The following RCBTB1 variants were observed in gnomAD, a reference collection of about 807,000 sequenced individuals.
RCBTB1 encodes the protein RCC1 and BTB domain-containing protein 1.
Under a neutral mutation model 62.4 loss-of-function variants are expected in RCBTB1, and 46 were observed. That is an observed-to-expected ratio of 0.74 (90% CI 0.58 to 0.94). The LOEUF is 0.94. RCBTB1 is among the 40% of genes least tolerant of loss of function. The probability of loss-of-function intolerance (pLI) is 0.00; values close to 1 mark genes in which losing one functional copy is unlikely to be tolerated. For missense variants in RCBTB1, 565 were observed against 654.9 expected (o/e 0.86, Z 1.50); for synonymous variants, 222 against 245.8 (o/e 0.90, Z 0.91).
chr13:49,558,535 T>C (rs944170186), intron 5 of RCBTB1, among the ~76,000 whole-genome samples: 1 of 151,174 alleles, frequency 6.6e-6, no homozygotes, highest in South Asian at 2.1e-4. Flanking sequence ...CTACTAAAAA[T>C]ACAAAAAAAT....
chr13:49,548,745 G>A (rs1006952484), intron 9 of RCBTB1, among the ~76,000 whole-genome samples: 17 of 151,802 alleles, frequency 1.1e-4, no homozygotes, highest in African/African-American at 3.4e-4. Flanking sequence ...CTCCAGAGTC[G>A]GCAAATCCAT....
chr13:49,562,968 A>G (rs1962569905), intron 4 of RCBTB1, among the ~76,000 whole-genome samples: 1 of 151,760 alleles, frequency 6.6e-6, no homozygotes, highest in Non-Finnish European at 1.5e-5. Flanking sequence ...AGAAATTTCC[A>G]GAAATGACCA....
intron 2 of RCBTB1, among the ~76,000 whole-genome samples, chr13:49,575,514 G>A (rs955758945): frequency 1.3e-5 from 2 of 151,278 alleles, no homozygotes; most frequent in East Asian, 1.9e-4. Flanking sequence ...CTAGGTGCCC[G>A]TTGACAGTAG....
intron 12 of RCBTB1, among the ~76,000 whole-genome samples, 160 bp downstream of exon 12, chr13:49,540,716 A>G (rs2139130147): frequency 6.6e-6 from 1 of 152,344 alleles, no homozygotes; most frequent in East Asian, 1.9e-4. Flanking sequence ...ATGAACAGGG[A>G]ATTAAGAAGC....
At chr13:49,543,072 G>A (rs1170197136) in intron 10 of RCBTB1, among the ~76,000 whole-genome samples, 8 of 152,136 alleles carry the variant, frequency 5.3e-5, no homozygotes, top group African/African-American at 4.8e-5. Context: ...AGACCGGCCT[G>A]GCCAACATGG....
intron 2 of RCBTB1, among the ~76,000 whole-genome samples, chr13:49,571,166 G>C (rs940908219): frequency 6.6e-6 from 1 of 152,126 alleles, no homozygotes; most frequent in African/African-American, 2.4e-5. Context: ...GACCAACATG[G>C]AGAAACCCTG....
chr13:49,549,107 G>C (rs1961089291), intron 9 of RCBTB1, among the ~76,000 whole-genome samples: 1 of 136,388 alleles, frequency 7.3e-6, no homozygotes, highest in South Asian at 2.5e-4. Context: ...ACTCCAGCCT[G>C]GGCGACAGAG....
chr13:49,542,052 TAA>T (rs1346122124), intron 10 of RCBTB1, among the ~76,000 whole-genome samples: 1 of 151,878 alleles, frequency 6.6e-6, no homozygotes, highest in Non-Finnish European at 1.5e-5. Context: ...CCGTCTCTAC[TAA>T]AAATACAAAA....
intron 2 of RCBTB1, among the ~76,000 whole-genome samples, chr13:49,574,584 AG>A (rs1224784501): frequency 9.9e-5 from 15 of 152,220 alleles, no homozygotes; most frequent in Non-Finnish European, 1.9e-4. Context: ...AGAATGTTTC[AG>A]GCAAAATCTG....
rs113012683 is a variant in RCBTB1, at chr13:49,580,493, TG to T, written c.-42+11del. The T allele has an allele frequency of 0.027, 4,158 of 152,222 alleles. 144 individuals carry two copies. The highest frequency in any genetic ancestry group is 0.16 in the East Asian group (806 of 5,166). 9.4% of individuals were successfully genotyped at this position (152,222 alleles called of 1,614,324 possible). A position where few individuals can be genotyped will look rare whatever the true frequency, so the allele number is the denominator to read the frequency against. ...GTCCCAGCTACTCAAGAGGCTGAGGTGGGAGGATCACCTGAGTCCAGGAGGT... is the reference window on the plus strand; with the variant it reads ...GTCCCAGCTACTCAAGAGGCTGAGGTGGAGGATCACCTGAGTCCAGGAGGT... On this transcript the variant is annotated intron_variant, in intron 2 of 12. Coordinates refer to ENST00000378302, the MANE Select transcript of RCBTB1 (RefSeq NM_018191.4).
At chr13:49,579,644 G>C (rs1488041216) in intron 2 of RCBTB1, among the ~76,000 whole-genome samples, 3 of 149,692 alleles carry the variant, frequency 2.0e-5, no homozygotes, top group Non-Finnish European at 4.4e-5. Flanking sequence ...AAAAAAGAAT[G>C]AAAGGGAAAG....
intron 9 of RCBTB1, chr13:49,546,539 A>C: frequency 6.3e-6 from 1 of 159,096 alleles, no homozygotes; most frequent in African/African-American, 2.4e-5. Flanking sequence ...GTAATATGTA[A>C]TGAAATAATT....
intron 6 of RCBTB1, among the ~76,000 whole-genome samples, chr13:49,553,475 C>T (rs965740542): frequency 2.6e-5 from 4 of 152,032 alleles, no homozygotes; most frequent in Non-Finnish European, 2.9e-5. Flanking sequence ...TAGAAGACTT[C>T]CCAGAACGTG....
intron 8 of RCBTB1, among the ~76,000 whole-genome samples, chr13:49,550,896 G>A (rs1961269828): frequency 6.6e-6 from 1 of 152,150 alleles, no homozygotes; most frequent in Middle Eastern, 3.2e-3. Flanking sequence ...GAGGCCAGGA[G>A]TTCAAGACCA....
chr13:49,534,166 C>T lies in RCBTB1; in HGVS notation c.1552G>A (p.Glu518Lys), dbSNP rs1451984357. The T allele has an allele frequency of 1.9e-6, 3 of 1,614,160 alleles. No individual in the cohort carries two copies. Among genetic ancestry groups the T allele is most frequent in the African/African-American group, 1.3e-5 (1 of 75,046 alleles). ...CATTTACTGGCTTTAGCAATGAATT[C>T]CTTTAGCAGAGGGCCATCCATTTGC... ...FWQMDGPLLK[E>K]FIAKASKCGA... The change falls in exon 13 of 13, where the codon GAA becomes AAA. Residue 518 changes from glutamate to lysine, a missense_variant. By Grantham distance (56) the Glu-to-Lys change is moderately conservative. Coordinates refer to ENST00000378302, the MANE Select transcript of RCBTB1 (RefSeq NM_018191.4).
chr13:49,580,244 T>C (rs954992569), intron 2 of RCBTB1, among the ~76,000 whole-genome samples: 13 of 152,124 alleles, frequency 8.5e-5, no homozygotes, highest in African/African-American at 3.1e-4. Flanking sequence ...AACAAACAGG[T>C]GTCACAAAAC....
chr13:49,545,283 C>A (rs111666657), intron 9 of RCBTB1, among the ~76,000 whole-genome samples: 2 of 152,058 alleles, frequency 1.3e-5, no homozygotes, highest in African/African-American at 4.8e-5. Flanking sequence ...GTCAGCATAC[C>A]CAACTCAAGG....
intron 5 of RCBTB1, among the ~76,000 whole-genome samples, chr13:49,557,927 A>G (rs192659329): frequency 1.3e-5 from 2 of 152,366 alleles, no homozygotes; most frequent in East Asian, 1.9e-4. Flanking sequence ...GGTCATTAAA[A>G]TCAGAGGATT....
intron 4 of RCBTB1, among the ~76,000 whole-genome samples, chr13:49,561,270 A>G (rs1962410654): frequency 6.6e-6 from 1 of 152,216 alleles, no homozygotes; most frequent in African/African-American, 2.4e-5. Context: ...AGCAGTCCCC[A>G]GGCAACCAGG....
Sources: gnomAD v4.1 joint callset for allele counts (sites outside exome capture counted in the v4.1 genomes callset) on GRCh38, gnomAD v4.1.1 for gene constraint, MANE v1.5 for transcripts, NCBI Gene and HGNC (gene_info 2026-07-23, HGNC 2026-07-21) for gene names.